N4BP2L2: variants seen among roughly 807,000 people sequenced by gnomAD.
N4BP2L2 encodes the protein NEDD4-binding protein 2-like 2.
Under a neutral mutation model 56.2 loss-of-function variants are expected in N4BP2L2, and 50 were observed. The observed-to-expected ratio is 0.89, with a 90% CI of 0.71 to 1.13. N4BP2L2 has a LOEUF of 1.13. Among genes scored for constraint, N4BP2L2 ranks in the 50% most tolerant of loss-of-function variants. N4BP2L2 has a pLI of 0.00. For missense variants in N4BP2L2, 689 were observed against 693.8 expected (o/e 0.99, Z 0.08); for synonymous variants, 203 against 223.6 (o/e 0.91, Z 0.82).
chr13:32,457,022 C>T (rs1383124956), intron 6 of N4BP2L2, among the ~76,000 whole-genome samples: 1 of 152,010 alleles, frequency 6.6e-6, no homozygotes, highest in Admixed American at 6.6e-5. Context: ...GCCTGTAGTC[C>T]CAGCTACTTG....
At chr13:32,517,271 T>C in exon 6 of N4BP2L2, 1 of 986,244 alleles carries the variant, frequency 1.0e-6, no homozygotes, top group Non-Finnish European at 1.2e-6. Flanking sequence ...GGAATTTTGT[T>C]TGAACTAAGT....
intron 6 of N4BP2L2, chr13:32,478,907 A>G (rs2083947594): frequency 1.3e-5 from 2 of 152,236 alleles, no homozygotes; most frequent in Admixed American, 1.3e-4. Context: ...AAGTGGATGG[A>G]TCACCTGAGG....
At chr13:32,442,214 G>A (rs530131699) in intron 7 of N4BP2L2, among the ~76,000 whole-genome samples, 11 of 152,242 alleles carry the variant, frequency 7.2e-5, no homozygotes, top group African/African-American at 2.6e-4. Flanking sequence ...GACAGCAAAG[G>A]GTGGGGACTT....
At chr13:32,492,619 C>T (rs1254460902) in intron 6 of N4BP2L2, among the ~76,000 whole-genome samples, 2 of 152,058 alleles carry the variant, frequency 1.3e-5, no homozygotes, top group Non-Finnish European at 2.9e-5. Context: ...AACAGGCGCA[C>T]TATTAAGACA....
intron 6 of N4BP2L2, among the ~76,000 whole-genome samples, chr13:32,483,093 G>C (rs1009647022): frequency 6.6e-6 from 1 of 152,180 alleles, no homozygotes; most frequent in Non-Finnish European, 1.5e-5. Flanking sequence ...TGGTCCATTA[G>C]TTTACTTACA....
rs147647946 is a variant in N4BP2L2, at chr13:32,436,860, C to CTATTTATTTATT, written c.2191-456_2191-455insAATAAATAAATA. Among the ~76,000 whole-genome samples the CTATTTATTTATT allele has an allele frequency of 7.4e-3, 974 of 131,610 alleles. 7 individuals are homozygous for CTATTTATTTATT. Among genetic ancestry groups the CTATTTATTTATT allele is most frequent in the East Asian group, 0.019 (84 of 4,524 alleles). The allele number at this position is 131,610 out of a possible 152,430, so 86.3% of individuals were successfully genotyped here. On this transcript the variant is annotated intron_variant, in intron 8 of 9. Transcript: ENST00000357505. Reference sequence around the variant, plus strand: ...GAAAACACCTATAAATATCTAATATCTATCTATTTATTTATTTATTTATTT... The same window carrying CTATTTATTTATT: ...GAAAACACCTATAAATATCTAATATCTATTTATTTATTTATCTATTTATTTATTTATTTATTT...
chr13:32,471,776 A>G (rs2082347171), intron 6 of N4BP2L2, among the ~76,000 whole-genome samples: 1 of 152,210 alleles, frequency 6.6e-6, no homozygotes, highest in Admixed American at 6.5e-5. Context: ...GCTGCTAATG[A>G]AAGAGCTGCT....
chr13:32,533,297 T>C (rs978635591), intron 2 of N4BP2L2, among the ~76,000 whole-genome samples: 3 of 152,080 alleles, frequency 2.0e-5, no homozygotes, highest in African/African-American at 7.2e-5. Context: ...AAACACCCTA[T>C]GGGCCAAAAC....
chr13:32,527,462 A>G, exon 3 of N4BP2L2: 1 of 1,613,982 alleles, frequency 6.2e-7, no homozygotes, highest in Non-Finnish European at 8.5e-7. Flanking sequence ...TTATACCTGT[A>G]CCCATCTTGA....
At chr13:32,443,586 T>A (rs1244957877) in exon 7 of N4BP2L2, 1 of 1,611,724 alleles carries the variant, frequency 6.2e-7, no homozygotes, top group Non-Finnish European at 8.5e-7. Context: ...TAAATAAGCA[T>A]GAAGTTTCCG....
intron 7 of N4BP2L2, among the ~76,000 whole-genome samples, chr13:32,440,718 C>T (rs1279465728): frequency 6.6e-6 from 1 of 152,076 alleles, no homozygotes; most frequent in African/African-American, 2.4e-5. Context: ...CTGCCTCAGC[C>T]TCCCAAAGTG....
At chr13:32,436,812 AAAG>A (rs2075558189) in intron 8 of N4BP2L2, among the ~76,000 whole-genome samples, 1 of 112,602 alleles carries the variant, frequency 8.9e-6, no homozygotes, top group African/African-American at 4.6e-5. Flanking sequence ...AAAAAAAAAG[AAAG>A]GAAGAAAGAA....
chr13:32,520,769 A>C (rs1172936394), intron 5 of N4BP2L2, among the ~76,000 whole-genome samples: 1 of 152,168 alleles, frequency 6.6e-6, no homozygotes, highest in Non-Finnish European at 1.5e-5. Flanking sequence ...CTGAAAATAG[A>C]AGTTCACAAT....
At chr13:32,471,048 G>A (rs922283554) in intron 6 of N4BP2L2, among the ~76,000 whole-genome samples, 1 of 152,226 alleles carries the variant, frequency 6.6e-6, no homozygotes, top group Non-Finnish European at 1.5e-5. Context: ...TCAGTGCAAT[G>A]TGAATGATGA....
At chr13:32,496,606 T>G (rs990968915) in intron 6 of N4BP2L2, among the ~76,000 whole-genome samples, 5 of 152,202 alleles carry the variant, frequency 3.3e-5, no homozygotes, top group Non-Finnish European at 7.3e-5. Flanking sequence ...GTAGAAGACA[T>G]GGAACCTGGA....
chr13:32,526,818 G>GTTTTTTTTTTT lies in N4BP2L2; in HGVS notation c.1384+579_1384+589dup, dbSNP rs35925361. Reference sequence around the variant, plus strand: ...CTGAGGCCAGGCACACTTTTTGTCTGTTTTTTTTTTTTTTTTTTTTTTTTT... The same window carrying GTTTTTTTTTTT: ...CTGAGGCCAGGCACACTTTTTGTCTGTTTTTTTTTTTTTTTTTTTTTTTTTTTTTTTTTTTT... On this transcript the variant is annotated intron_variant, in intron 3 of 5. Transcript: ENST00000267068. The GTTTTTTTTTTT allele has an allele frequency of 3.9e-3, 95 of 24,242 alleles. 22 individuals carry two copies. The highest frequency in any genetic ancestry group is 4.1e-3 in the African/African-American group (30 of 7,322). 1.5% of individuals were successfully genotyped at this position (24,242 alleles called of 1,614,324 possible). A position where few individuals can be genotyped will look rare whatever the true frequency, so the allele number is the denominator to read the frequency against.
chr13:32,529,402 T>G (rs1393367202), intron 2 of N4BP2L2, among the ~76,000 whole-genome samples: 1 of 152,224 alleles, frequency 6.6e-6, no homozygotes, highest in Non-Finnish European at 1.5e-5. Context: ...GTTTGCTTTT[T>G]GGGAGACTGG....
chr13:32,447,538 G>A (rs1195327243), intron 6 of N4BP2L2, among the ~76,000 whole-genome samples: 1 of 152,162 alleles, frequency 6.6e-6, no homozygotes, highest in Non-Finnish European at 1.5e-5. Flanking sequence ...TGAGTACAAG[G>A]ATATTGGCCT....
intron 6 of N4BP2L2, among the ~76,000 whole-genome samples, chr13:32,448,783 T>C (rs75208658): frequency 1.3e-5 from 2 of 152,204 alleles, no homozygotes; most frequent in Admixed American, 6.5e-5. Flanking sequence ...TAATTTATGA[T>C]AACGGGCAAT....
Sources: allele counts gnomAD v4.1 joint callset (sites outside exome capture counted in the v4.1 genomes callset), GRCh38; gene constraint gnomAD v4.1.1; transcripts MANE v1.5; gene names NCBI Gene and HGNC (gene_info 2026-07-23, HGNC 2026-07-21).